The following PLG variants were observed in gnomAD, a reference collection of about 807,000 sequenced individuals.
PLG encodes plasminogen.
PLG carries 41 observed loss-of-function variants against 104.4 expected under a neutral mutation model. The observed-to-expected ratio is 0.39, with a 90% CI of 0.31 to 0.51. PLG has a LOEUF of 0.51. PLG is among the 20% of genes least tolerant of loss of function. The probability of loss-of-function intolerance (pLI) is 0.76; values close to 1 mark genes in which losing one functional copy is unlikely to be tolerated. For synonymous variants in PLG, 337 were observed against 357.1 expected (o/e 0.94, Z 0.63); for missense variants, 891 against 1,003.6 (o/e 0.89, Z 1.52).
Position 160,741,968 on chromosome 6 carries a change from C to A in PLG, c.2125+551C>A, listed in dbSNP as rs573831322. Among the ~76,000 whole-genome samples the A allele has an allele frequency of 1.3e-5, 2 of 152,296 alleles. No homozygotes were observed. Among genetic ancestry groups the A allele is most frequent in the East Asian group, 3.9e-4 (2 of 5,180 alleles). On this transcript the variant is annotated intron_variant, in intron 17 of 18. Coordinates refer to ENST00000308192, the MANE Select transcript of PLG (RefSeq NM_000301.5). This position sits in a 1 kb window ranked among gnomAD's most constrained non-coding sequence, Gnocchi z 4.7. ...AAGAATAACGGCCTCCAGCTCCATTCATGTTCCTGTAAAAGATATTACCTC... is the reference window on the plus strand; with the variant it reads ...AAGAATAACGGCCTCCAGCTCCATTAATGTTCCTGTAAAAGATATTACCTC...
At position 160,718,780 on chromosome 6, in the gene PLG, C is replaced by T; in HGVS notation, c.1038C>T (p.Tyr346=). ...CCAACAGCCAAGTGCGGTGGGAGTA[C>T]TGTAAGATACCGTCCTGTGACTCCT... The part of the protein sequence containing the change: ...HTTNSQVRWE[Y]CKIPSCDSSP... The change falls in exon 9 of 19, where the codon TAC becomes TAT. Residue 346 remains tyrosine, a synonymous_variant. Coordinates refer to ENST00000308192, the MANE Select transcript of PLG (RefSeq NM_000301.5). The T allele has an allele frequency of 6.2e-7, 1 of 1,613,712 alleles. No individual in the cohort carries two copies. The highest frequency in any genetic ancestry group is 8.5e-7 in the Non-Finnish European group (1 of 1,179,660).
At position 160,736,944 on chromosome 6, in the gene PLG, G is replaced by A; in HGVS notation, c.1739G>A (p.Arg580Lys). 1.9e-6 allele frequency: 3 copies of A among 1,614,032 alleles called. No homozygotes were observed. The highest frequency in any genetic ancestry group is 2.5e-6 in the Non-Finnish European group (3 of 1,179,956). ...PQVEPKKCPG[R>K]VVGGCVAHPH... is the part of the protein sequence containing the mutation. ...GTGGAGCCGAAGAAATGTCCTGGAAGGGTTGTAGGGGGGTGTGTGGCCCAC... is the reference window on the plus strand; with the variant it reads ...GTGGAGCCGAAGAAATGTCCTGGAAAGGTTGTAGGGGGGTGTGTGGCCCAC... Residue 580 changes from arginine to lysine, a missense_variant, in exon 14 of 19, where the codon AGG becomes AAG. Physicochemically the swap from Arg to Lys is conservative, Grantham distance 26. Coordinates refer to ENST00000308192, the MANE Select transcript of PLG (RefSeq NM_000301.5). The surrounding 1 kb of genome is among the most constrained non-coding windows in gnomAD (Gnocchi z 5.2).
At chr6:160,746,950 T>G (rs1012495888) in intron 17 of PLG, among the ~76,000 whole-genome samples, 2 of 152,256 alleles carry the variant, frequency 1.3e-5, no homozygotes, top group Non-Finnish European at 2.9e-5. Context: ...GTAAAGGTCT[T>G]TGAGTCTCTT....
chr6:160,741,247 T>C lies in PLG; in HGVS notation c.2019-64T>C. ...TCTGGGGCCTCAAGACAGGGATGAC[T>C]GGTTGTGGGTACTGCAGCTGCGAGC... On this transcript the variant is annotated intron_variant, in intron 16 of 18. Transcript: ENST00000308192. This position sits in a 1 kb window ranked among gnomAD's most constrained non-coding sequence, Gnocchi z 4.7. 8.9e-7 allele frequency: 1 copy of C among 1,124,392 alleles called. No individual in the cohort carries two copies. The highest frequency in any genetic ancestry group is 1.4e-6 in the Non-Finnish European group (1 of 734,194). 69.7% of individuals were successfully genotyped at this position (1,124,392 alleles called of 1,614,324 possible).
In PLG at chr6:160,734,122, T is replaced by A; in HGVS notation, c.1681+34T>A. The A allele has an allele frequency of 8.3e-7, 1 of 1,201,766 alleles. No individual in the cohort carries two copies. The highest frequency in any genetic ancestry group is 1.2e-6 in the Non-Finnish European group (1 of 804,932). 74.4% of individuals were successfully genotyped at this position (1,201,766 alleles called of 1,614,324 possible). A position where few individuals can be genotyped will look rare whatever the true frequency, so the allele number is the denominator to read the frequency against. On this transcript the variant is annotated intron_variant, in intron 13 of 18. Transcript: ENST00000308192. The surrounding 1 kb of genome is among the most constrained non-coding windows in gnomAD (Gnocchi z 4.4). The stretch of plus-strand genomic sequence containing the variant: ...CCTTCTTTTTGGTAAGGAAACTGCT[T>A]ACTTAATATGGATTTGCAACAAAAA...
intron 5 of PLG, 148 bp downstream of exon 5, chr6:160,713,273 ATT>A: frequency 2.0e-5 from 12 of 585,700 alleles, no homozygotes; most frequent in East Asian, 7.0e-5. Flanking sequence ...ATTAACCTGA[ATT>A]TTTTTTTTTT....
At chr6:160,721,040 CT>C (rs1283422735) in intron 9 of PLG, among the ~76,000 whole-genome samples, 3 of 152,220 alleles carry the variant, frequency 2.0e-5, no homozygotes, top group East Asian at 1.9e-4. Flanking sequence ...GATATTATGA[CT>C]TTTTTTCTAG....
rs1220765864 is a variant in PLG, at chr6:160,753,904, T to C, written c.*843T>C. Among the ~76,000 whole-genome samples, 1 of 152,146 alleles carries C rather than the reference T, an allele frequency of 6.6e-6. No homozygotes were observed. The highest frequency in any genetic ancestry group is 1.5e-5 in the Non-Finnish European group (1 of 68,016). On this transcript the variant is annotated 3_prime_UTR_variant, in exon 19 of 19. Transcript: ENST00000308192. The surrounding 1 kb of genome is among the most constrained non-coding windows in gnomAD (Gnocchi z 5.4). ...GAAGAGAAAGGACAAAGGCACACGTTTTACCATTTAAAATATTGTTACCAA... is the reference window on the plus strand; with the variant it reads ...GAAGAGAAAGGACAAAGGCACACGTCTTACCATTTAAAATATTGTTACCAA...
intron 1 of PLG, among the ~76,000 whole-genome samples, chr6:160,705,029 G>A (rs1406368616): frequency 6.6e-6 from 1 of 152,210 alleles, no homozygotes; most frequent in African/African-American, 2.4e-5. Flanking sequence ...GTCTCCTGCT[G>A]CAGCCTCCAC....
chr6:160,736,753 CA>C lies in PLG; in HGVS notation c.1682-130del, dbSNP rs890509999. The C allele has an allele frequency of 1.7e-6, 2 of 1,161,428 alleles. No individual in the cohort carries two copies. The highest frequency in any genetic ancestry group is 3.8e-5 in the Admixed American group (2 of 51,972). The allele number at this position is 1,161,428 out of a possible 1,614,324, so 71.9% of individuals were successfully genotyped here. A position where few individuals can be genotyped will look rare whatever the true frequency, so the allele number is the denominator to read the frequency against. ...CTTTTGAAACTTAGAGAAAATGTTC[CA>C]AAAGATGATGATTTTACTATTTAGT... On this transcript the variant is annotated intron_variant, in intron 13 of 18. Transcript: ENST00000308192. This position sits in a 1 kb window ranked among gnomAD's most constrained non-coding sequence, Gnocchi z 5.2.
chr6:160,720,829 C>T (rs759556089), intron 9 of PLG, among the ~76,000 whole-genome samples: 3 of 152,094 alleles, frequency 2.0e-5, no homozygotes, highest in Non-Finnish European at 4.4e-5. Context: ...CTAAGTACCA[C>T]GTGTTTGGGA....
Position 160,736,741 on chromosome 6 carries a change from G to C in PLG, c.1682-146G>C. ...TGTCTACTACCACTTTTGAAACTTA[G>C]AGAAAATGTTCCAAAAGATGATGAT... On this transcript the variant is annotated intron_variant, in intron 13 of 18. Transcript: ENST00000308192. The surrounding 1 kb of genome is among the most constrained non-coding windows in gnomAD (Gnocchi z 5.2). 1 of 1,026,292 alleles carries C rather than the reference G, an allele frequency of 9.7e-7. No individual in the cohort carries two copies. The highest frequency in any genetic ancestry group is 1.5e-6 in the Non-Finnish European group (1 of 682,920). 63.6% of individuals were successfully genotyped at this position (1,026,292 alleles called of 1,614,324 possible).
rs1778177439 is a variant in PLG, at chr6:160,740,711, C to T, written c.2019-600C>T. Among the ~76,000 whole-genome samples, 1 of 152,194 alleles carries T rather than the reference C, an allele frequency of 6.6e-6. No individual in the cohort carries two copies. The highest frequency in any genetic ancestry group is 1.5e-5 in the Non-Finnish European group (1 of 68,034). Reference sequence around the variant, plus strand: ...CCGGAGTTCTAATGTTTGAGAGTCCCTGGGACTCTAAAGTATATGAATGTT... The same window carrying T: ...CCGGAGTTCTAATGTTTGAGAGTCCTTGGGACTCTAAAGTATATGAATGTT... On this transcript the variant is annotated intron_variant, in intron 16 of 18. Transcript: ENST00000308192. This position sits in a 1 kb window ranked among gnomAD's most constrained non-coding sequence, Gnocchi z 5.2.
rs1305657652 is a variant in PLG at position 160,722,471 on chromosome 6, G to A, written c.1160G>A (p.Gly387Asp). 2 of 1,612,668 alleles carry A rather than the reference G, an allele frequency of 1.2e-6. No homozygotes were observed. The highest frequency in any genetic ancestry group is 1.7e-5 in the Admixed American group (1 of 59,988). Residue 387 changes from glycine to aspartate, a missense_variant, in exon 10 of 19, where the codon GGC becomes GAC. This residue lies in a region of PLG where 854 missense variants were observed against 932.1 expected (regional missense o/e 0.92). Coordinates refer to ENST00000308192, the MANE Select transcript of PLG (RefSeq NM_000301.5). The part of the protein sequence containing the change: ...CYHGDGQSYR[G>D]TSSTTTTGKK... ...CATGGTGATGGACAGAGCTACCGAG[G>A]CACATCCTCCACCACCACCACAGGA...
chr6:160,751,234 A>G (rs1258524675), intron 17 of PLG, among the ~76,000 whole-genome samples: 1 of 152,248 alleles, frequency 6.6e-6, no homozygotes, highest in East Asian at 1.9e-4. Flanking sequence ...AATGAACTTT[A>G]TGAACAAAGA....
At chr6:160,742,114 A>G (rs1411804523) in intron 17 of PLG, among the ~76,000 whole-genome samples, 1 of 152,208 alleles carries the variant, frequency 6.6e-6, no homozygotes, top group African/African-American at 2.4e-5. Context: ...TAGTGCTGCA[A>G]TGAACATTCA....
Position 160,753,559 on chromosome 6 carries a change from T to C in PLG, c.*498T>C, listed in dbSNP as rs763236227. On this transcript the variant is annotated 3_prime_UTR_variant, in exon 19 of 19. Transcript: ENST00000308192. This position sits in a 1 kb window ranked among gnomAD's most constrained non-coding sequence, Gnocchi z 5.4. Reference sequence around the variant, plus strand: ...AAGCTGCAACATGTATGGGGAGTCATGCAAACCGATTCTGTTATTGGGAAT... The same window carrying C: ...AAGCTGCAACATGTATGGGGAGTCACGCAAACCGATTCTGTTATTGGGAAT... Among the ~76,000 whole-genome samples, 1 of 152,128 alleles carries C rather than the reference T, an allele frequency of 6.6e-6. No individual in the cohort carries two copies. The highest frequency in any genetic ancestry group is 1.5e-5 in the Non-Finnish European group (1 of 68,022).
In PLG at chr6:160,735,351, T is replaced by G. The variant is rs940403115; in HGVS notation, c.1681+1263T>G. 4.6e-5 allele frequency among the ~76,000 whole-genome samples: 7 copies of G among 152,182 alleles called. No homozygotes were observed. Among genetic ancestry groups the G allele is most frequent in the Admixed American group, 3.3e-4 (5 of 15,284 alleles). ...ACCCCACTACCGTGCCTGGGACTCA[T>G]GCACCTTTGACTCCCATGGAAGGGA... On this transcript the variant is annotated intron_variant, in intron 13 of 18. Transcript: ENST00000308192. The surrounding 1 kb of genome is among the most constrained non-coding windows in gnomAD (Gnocchi z 5.4).
At chr6:160,747,240 T>C (rs775611253) in intron 17 of PLG, among the ~76,000 whole-genome samples, 1 of 152,202 alleles carries the variant, frequency 6.6e-6, no homozygotes, top group Non-Finnish European at 1.5e-5. Flanking sequence ...GCATTTGGTA[T>C]TGGTTGATGG....
Sources: gnomAD v4.1 joint callset for allele counts (sites outside exome capture counted in the v4.1 genomes callset) on GRCh38, gnomAD v4.1.1 for gene constraint, gnomAD v4.1.1 regional missense constraint, Gnocchi (gnomAD v3.1) non-coding constraint, MANE v1.5 for transcripts, NCBI Gene and HGNC (gene_info 2026-07-23, HGNC 2026-07-21) for gene names.